MACROD2: variants seen among roughly 807,000 people sequenced by gnomAD.
MACROD2 encodes ADP-ribose glycohydrolase MACROD2.
A neutral mutation model predicts 70.4 loss-of-function variants in MACROD2; 36 were observed. The ratio of observed to expected loss-of-function variants is 0.51; its 90% CI spans 0.39 to 0.68. The LOEUF (loss-of-function observed/expected upper bound fraction) is 0.68. Among genes scored for constraint, MACROD2 ranks in the 30% least tolerant of loss-of-function variants. MACROD2 has a pLI of 0.00. For missense variants in MACROD2, 496 were observed against 538.4 expected, an observed-to-expected ratio of 0.92 and a Z score of 0.78; for synonymous variants, 172 against 178.8, an observed-to-expected ratio of 0.96 and a Z score of 0.30.
chr20:15,227,821 C>CTTTTTTTT (rs1336974761), intron 5 of MACROD2, among the ~76,000 whole-genome samples: 7 of 13,870 alleles, frequency 5.0e-4, no homozygotes, highest in African/African-American at 2.2e-3. Flanking sequence ...AGAATTTCAC[C>CTTTTTTTT]TGTTTTTTTT....
intron 8 of MACROD2, among the ~76,000 whole-genome samples, chr20:15,856,533 C>A (rs1339427569): frequency 2.6e-5 from 4 of 152,042 alleles, no homozygotes; most frequent in Non-Finnish European, 5.9e-5. Context: ...AACTAAGTAC[C>A]CTTGAAAACT....
At chr20:15,058,885 CTATG>C (rs1358971755) in intron 5 of MACROD2, among the ~76,000 whole-genome samples, 1 of 152,256 alleles carries the variant, frequency 6.6e-6, no homozygotes, top group East Asian at 1.9e-4. Flanking sequence ...TTATAAGAAG[CTATG>C]GTTGGAAGGA....
At chr20:14,157,861 C>T (rs957728432) in intron 3 of MACROD2, among the ~76,000 whole-genome samples, 6 of 152,088 alleles carry the variant, frequency 3.9e-5, no homozygotes, top group Admixed American at 3.9e-4. Context: ...TATCTTTACT[C>T]TTGTGAATAG....
At chr20:15,333,692 T>G (rs565521293) in intron 6 of MACROD2, among the ~76,000 whole-genome samples, 1 of 151,680 alleles carries the variant, frequency 6.6e-6, no homozygotes, top group South Asian at 2.1e-4. Context: ...AACAGTAATT[T>G]CCTCAAAGGC....
At chr20:15,996,889 GAC>G (rs909621502) in intron 15 of MACROD2, among the ~76,000 whole-genome samples, 6 of 152,114 alleles carry the variant, frequency 3.9e-5, no homozygotes, top group Non-Finnish European at 8.8e-5. Flanking sequence ...AGTGGTATAA[GAC>G]AGAAGTATAA....
At chr20:15,000,249 CAAAT>C (rs1021741509) in intron 5 of MACROD2, among the ~76,000 whole-genome samples, 9 of 152,060 alleles carry the variant, frequency 5.9e-5, no homozygotes, top group Non-Finnish European at 1.2e-4. Context: ...CACAAACAAA[CAAAT>C]AAAATCTATT....
chr20:15,018,498 C>T (rs968215003), intron 5 of MACROD2, among the ~76,000 whole-genome samples: 1 of 152,114 alleles, frequency 6.6e-6, no homozygotes, highest in African/African-American at 2.4e-5. Context: ...TTATCCAGTT[C>T]CAAAGATCTT....
chr20:14,849,988 A>G (rs2073182679), intron 5 of MACROD2: 1 of 517,742 alleles, frequency 1.9e-6, no homozygotes, highest in South Asian at 1.4e-5. Flanking sequence ...CCACCGAAAA[A>G]TCTACCAAAG....
At chr20:15,834,752 A>T (rs1568587353) in intron 8 of MACROD2, among the ~76,000 whole-genome samples, 1 of 152,224 alleles carries the variant, frequency 6.6e-6, no homozygotes, top group Non-Finnish European at 1.5e-5. Flanking sequence ...ATTTTGTAGT[A>T]AAACATTTTG....
intron 3 of MACROD2, among the ~76,000 whole-genome samples, chr20:14,086,488 T>C (rs976458974): frequency 6.6e-6 from 1 of 152,178 alleles, no homozygotes; most frequent in Non-Finnish European, 1.5e-5. Context: ...AGAGGCTTTA[T>C]CTAAATAGAC....
chr20:14,236,895 T>G (rs764122453), intron 3 of MACROD2, among the ~76,000 whole-genome samples: 21 of 152,332 alleles, frequency 1.4e-4, no homozygotes, highest in Middle Eastern at 3.4e-3. Context: ...TAAATTTCTA[T>G]GATAAATATT....
In MACROD2 at chr20:14,531,282, T is replaced by G. The variant is rs541380508; in HGVS notation, c.301+37774T>G. 2.4e-4 allele frequency among the ~76,000 whole-genome samples: 36 copies of G among 152,262 alleles called. 2 individuals are homozygous for G. In the South Asian group the frequency reaches 7.5e-3, roughly 32 times the overall value. The stretch of plus-strand genomic sequence containing the variant: ...ATCTCAAGAGGAAATAATCCTGGAT[T>G]CAGGGTGGGCTTAAAGTCAGATGTA... On this transcript the variant is annotated intron_variant, in intron 4 of 17. Coordinates refer to ENST00000684519, the MANE Select transcript of MACROD2 (RefSeq NM_001351661.2).
intron 10 of MACROD2, among the ~76,000 whole-genome samples, chr20:15,892,039 G>A (rs1248170292): frequency 1.3e-5 from 2 of 152,124 alleles, no homozygotes; most frequent in South Asian, 2.1e-4. Context: ...ACCAGCTCAT[G>A]AAAACCACCA....
chr20:14,570,718 T>C (rs1980135859), intron 4 of MACROD2, among the ~76,000 whole-genome samples: 1 of 152,096 alleles, frequency 6.6e-6, no homozygotes, highest in African/African-American at 2.4e-5. Flanking sequence ...CTTAGAACAC[T>C]AAGGAAGATA....
chr20:15,229,286 A>C (rs1249740638), intron 5 of MACROD2, among the ~76,000 whole-genome samples: 4 of 152,214 alleles, frequency 2.6e-5, no homozygotes, highest in African/African-American at 4.8e-5. Context: ...AAATGTTTGA[A>C]TGTTTTAATA....
chr20:14,194,870 G>A (rs1160438354), intron 3 of MACROD2, among the ~76,000 whole-genome samples: 1 of 152,164 alleles, frequency 6.6e-6, no homozygotes, highest in Admixed American at 6.5e-5. Flanking sequence ...ACAAGCTTGA[G>A]ACAGTCTTTA....
chr20:15,416,697 G>T (rs533388178), intron 6 of MACROD2, among the ~76,000 whole-genome samples: 1 of 152,128 alleles, frequency 6.6e-6, no homozygotes, highest in Non-Finnish European at 1.5e-5. Context: ...GAGGTCAGGA[G>T]ATCGAGACCA....
At chr20:14,652,276 A>C (rs935058283) in intron 4 of MACROD2, among the ~76,000 whole-genome samples, 2 of 152,218 alleles carry the variant, frequency 1.3e-5, no homozygotes, top group East Asian at 1.9e-4. Flanking sequence ...ATTAACAATA[A>C]TTTTACACAT....
chr20:14,361,503 A>G (rs373918619), intron 3 of MACROD2, among the ~76,000 whole-genome samples: 1 of 152,274 alleles, frequency 6.6e-6, no homozygotes, highest in African/African-American at 2.4e-5. Context: ...GCAGAATTAA[A>G]CTTTAATGAA....
Sources: gnomAD v4.1 joint callset for allele counts (sites outside exome capture counted in the v4.1 genomes callset) on GRCh38, gnomAD v4.1.1 for gene constraint, MANE v1.5 for transcripts, NCBI Gene and HGNC (gene_info 2026-07-23, HGNC 2026-07-21) for gene names.